PIH1D2: variants seen among roughly 807,000 people sequenced by gnomAD.
PIH1D2 encodes PIH1 domain containing 2.
Under a neutral mutation model 31.2 loss-of-function variants are expected in PIH1D2, and 25 were observed. The observed-to-expected ratio is 0.80, with a 90% CI of 0.58 to 1.12. The LOEUF (loss-of-function observed/expected upper bound fraction) is 1.12. PIH1D2 is among the 50% of genes most tolerant of loss of function. The pLI, the probability that PIH1D2 is intolerant of heterozygous loss-of-function variation, is 0.00. For synonymous variants in PIH1D2, 116 were observed against 119.9 expected (o/e 0.97, Z 0.21); for missense variants, 310 against 356.6 (o/e 0.87, Z 1.05).
downstream of PIH1D2, among the ~76,000 whole-genome samples, chr11:112,066,893 T>A (rs587765535): frequency 6.6e-6 from 1 of 152,110 alleles, no homozygotes; most frequent in Admixed American, 6.5e-5. Flanking sequence ...TGAAACCCTT[T>A]CTCTACTAAA....
downstream of PIH1D2, among the ~76,000 whole-genome samples, chr11:112,059,505 GC>G (rs1555182954): frequency 6.6e-6 from 1 of 152,036 alleles, no homozygotes; most frequent in African/African-American, 2.4e-5. Flanking sequence ...TGGTTCTCCT[GC>G]CTCAGCCTCC....
Position 112,073,148 on chromosome 11 carries a change from A to C in PIH1D2, c.27T>G (p.Leu9=). Residue 9 remains leucine, a synonymous_variant, in exon 2 of 6, where the codon CTT becomes CTG. Coordinates refer to ENST00000280350, the MANE Select transcript of PIH1D2 (RefSeq NM_138789.4). METSSKGL[L]TQVTQFWNLL... ...GGTTCCAAAACTGAGTAACTTGGGT[A>C]AGCAGACCTTTTGAGGATGTCTCCA... The C allele has an allele frequency of 6.2e-7, 1 of 1,613,076 alleles. No individual in the cohort carries two copies. The highest frequency in any genetic ancestry group is 8.5e-7 in the Non-Finnish European group (1 of 1,179,236).
chr11:112,069,494 C>T (rs1319142622), intron 5 of PIH1D2, among the ~76,000 whole-genome samples: 1 of 152,070 alleles, frequency 6.6e-6, no homozygotes, highest in Non-Finnish European at 1.5e-5. Flanking sequence ...AAATTTAAAA[C>T]AATCCTTTGA....
downstream of PIH1D2, chr11:112,061,002 C>A: frequency 6.6e-7 from 1 of 1,523,194 alleles, no homozygotes. Flanking sequence ...TTTATGTTGA[C>A]AAACTATAAT....
rs782049582 is a variant in PIH1D2 at position 112,071,030 on chromosome 11, C to T, written c.547+8G>A. 1 of 1,608,462 alleles carries T rather than the reference C, an allele frequency of 6.2e-7. No individual in the cohort carries two copies. Among genetic ancestry groups the T allele is most frequent in the Non-Finnish European group, 8.5e-7 (1 of 1,178,246 alleles). ...AGTTTAATTTTCCATTTACAATCAT[C>T]AACTTACCCCTTCTCATTTTTTCTC... On this transcript the variant is annotated splice_region_variant and intron_variant, in intron 4 of 5. Coordinates refer to ENST00000280350, the MANE Select transcript of PIH1D2 (RefSeq NM_138789.4).
chr11:112,056,663 ATTT>A, the PIH1D2 span, among the ~76,000 whole-genome samples: 2 of 152,116 alleles, frequency 1.3e-5, no homozygotes, highest in Non-Finnish European at 2.9e-5. Context: ...GTGGACATAT[ATTT>A]TTATTTCTCT....
the PIH1D2 span, among the ~76,000 whole-genome samples, chr11:112,055,427 G>T: frequency 5.7e-4 from 86 of 151,740 alleles, no homozygotes; most frequent in Admixed American, 5.0e-3. Context: ...TGTATTTTTA[G>T]TAGAGATGGG....
the PIH1D2 span, among the ~76,000 whole-genome samples, chr11:112,053,386 AC>A: frequency 6.6e-6 from 1 of 152,110 alleles, no homozygotes; most frequent in Non-Finnish European, 1.5e-5. Context: ...GCTTAGAGTG[AC>A]TTGTTCTAAC....
At chr11:112,069,838 G>A (rs1373105282) in intron 5 of PIH1D2, 1 of 152,918 alleles carries the variant, frequency 6.5e-6, no homozygotes, top group Non-Finnish European at 1.5e-5. Flanking sequence ...GAATTGAGAT[G>A]GTTAATTACG....
At chr11:112,069,628 A>C (rs587633200) in intron 5 of PIH1D2, 1 of 152,334 alleles carries the variant, frequency 6.6e-6, no homozygotes, top group East Asian at 1.9e-4. Context: ...AAAAAAGAAA[A>C]CATCTTCCTG....
chr11:112,067,685 A>AAATATATATATATAT, downstream of PIH1D2: 1 of 17,806 alleles, frequency 5.6e-5, no homozygotes, highest in Non-Finnish European at 1.1e-4. Flanking sequence ...AAAAAAAAAA[A>AAATATATATATATAT]ATATATATAT....
downstream of PIH1D2, among the ~76,000 whole-genome samples, chr11:112,064,753 A>T (rs1864847881): frequency 6.6e-6 from 1 of 152,168 alleles, no homozygotes; most frequent in Admixed American, 6.5e-5. Context: ...ATCATGTGTA[A>T]TGCACAAGTC....
chr11:112,060,997 G>A, downstream of PIH1D2: 1 of 1,515,788 alleles, frequency 6.6e-7, no homozygotes, highest in Admixed American at 2.0e-5. Context: ...TCTGATTTAT[G>A]TTGACAAACT....
downstream of PIH1D2, among the ~76,000 whole-genome samples, chr11:112,059,072 G>GA (rs1864343120): frequency 6.6e-6 from 1 of 151,538 alleles, no homozygotes; most frequent in African/African-American, 2.4e-5. Context: ...AAAAGATTGG[G>GA]ACCCCTTACT....
intron 5 of PIH1D2, among the ~76,000 whole-genome samples, chr11:112,068,986 T>TTTTG (rs1865023213): frequency 7.2e-6 from 1 of 139,528 alleles, no homozygotes; most frequent in African/African-American, 3.1e-5. Context: ...TTTTTTGTTT[T>TTTTG]TTTTTTTTTT....
chr11:112,055,523 C>A, the PIH1D2 span, among the ~76,000 whole-genome samples: 1 of 151,746 alleles, frequency 6.6e-6, no homozygotes. Context: ...GGATTACAGG[C>A]GTGAGCCACC....
chr11:112,059,232 AAGG>A (rs1455346731), downstream of PIH1D2, among the ~76,000 whole-genome samples: 1 of 152,072 alleles, frequency 6.6e-6, no homozygotes, highest in Admixed American at 6.6e-5. Context: ...CTCAAAATCC[AAGG>A]AGTTCTGATT....
chr11:112,062,501 A>G (rs1214635317), downstream of PIH1D2: 23 of 1,612,504 alleles, frequency 1.4e-5, no homozygotes, highest in Non-Finnish European at 1.9e-5. Flanking sequence ...GAGTTTAGAA[A>G]GTACCTTGAA....
intron 5 of PIH1D2, among the ~76,000 whole-genome samples, chr11:112,069,094 G>C (rs1401758176): frequency 6.7e-6 from 1 of 150,216 alleles, no homozygotes; most frequent in Non-Finnish European, 1.5e-5. Flanking sequence ...CGCCTCCCGG[G>C]TTCAAGCAGT....
Sources: gnomAD v4.1 joint callset for allele counts (sites outside exome capture counted in the v4.1 genomes callset) on GRCh38, gnomAD v4.1.1 for gene constraint, MANE v1.5 for transcripts, NCBI Gene and HGNC (gene_info 2026-07-23, HGNC 2026-07-21) for gene names.